Variants in ST6GAL2 observed in about 807,000 individuals in gnomAD.
ST6GAL2 encodes beta-galactoside alpha-2,6-sialyltransferase 2.
Under a neutral mutation model 37.5 loss-of-function variants are expected in ST6GAL2, and 24 were observed. The ratio of observed to expected loss-of-function variants is 0.64; its 90% confidence interval spans 0.46 to 0.90. ST6GAL2 has a LOEUF of 0.90. ST6GAL2 is among the 40% of genes least tolerant of loss of function. The pLI, the probability that ST6GAL2 is intolerant of heterozygous loss-of-function variation, is 0.00. For missense variants in ST6GAL2, 715 were observed against 712.7 expected, an observed-to-expected ratio of 1.00 and a Z score of -0.04; for synonymous variants, 306 against 295.1, an observed-to-expected ratio of 1.04 and a Z score of -0.38.
chr2:106,850,065 A>C (rs1677295661), intron 1 of ST6GAL2, among the ~76,000 whole-genome samples: 1 of 152,202 alleles, frequency 6.6e-6, no homozygotes, highest in Admixed American at 6.5e-5. Flanking sequence ...GCTCAGGTTT[A>C]AATATTTTAC....
intron 5 of ST6GAL2, among the ~76,000 whole-genome samples, chr2:106,809,597 A>G (rs1209194868): frequency 6.6e-6 from 1 of 152,192 alleles, no homozygotes; most frequent in Admixed American, 6.5e-5. Context: ...CATGGAAAAG[A>G]ATGACACAGG....
At chr2:106,870,850 G>A (rs550464769) in intron 1 of ST6GAL2, among the ~76,000 whole-genome samples, 17 of 152,230 alleles carry the variant, frequency 1.1e-4, no homozygotes, top group East Asian at 7.7e-4. Context: ...GGCATAGCAC[G>A]GCTCATAAGG....
intron 1 of ST6GAL2, among the ~76,000 whole-genome samples, chr2:106,878,327 G>A (rs1678593953): frequency 1.3e-5 from 2 of 152,080 alleles, no homozygotes; most frequent in African/African-American, 2.4e-5. Flanking sequence ...AACCAGGTGT[G>A]GTGGTGCCCA....
chr2:106,814,986 G>A (rs1675748599), intron 5 of ST6GAL2, among the ~76,000 whole-genome samples: 2 of 152,156 alleles, frequency 1.3e-5, no homozygotes, highest in South Asian at 2.1e-4. Flanking sequence ...CCAAAGAAAC[G>A]AGTCCTTATG....
chr2:106,836,773 C>CAAAAAAAAAAAAAA (rs70956213), intron 2 of ST6GAL2, among the ~76,000 whole-genome samples: 4 of 70,216 alleles, frequency 5.7e-5, no homozygotes, highest in East Asian at 4.4e-4. Context: ...ACTAAAAATA[C>CAAAAAAAAAAAAAA]AAAAAAAAAA....
In ST6GAL2 at chr2:106,805,692, G is replaced by T. The variant is rs189158200; in HGVS notation, c.*986C>A. On this transcript the variant is annotated 3_prime_UTR_variant, in exon 6 of 6. Coordinates refer to ENST00000409382, the MANE Select transcript of ST6GAL2 (RefSeq NM_001142351.2). ...AGAAACCTGTATAATAAAGACAGGC[G>T]TGCATCCCTAGAAGCACAGGGTGAT... The T allele has an allele frequency of 6.6e-6, 1 of 152,292 alleles. No homozygotes were observed. The highest frequency in any genetic ancestry group is 1.9e-4 in the East Asian group (1 of 5,176). 9.4% of individuals were successfully genotyped at this position (152,292 alleles called of 1,614,324 possible).
chr2:106,834,395 G>T, intron 2 of ST6GAL2: 1 of 381,914 alleles, frequency 2.6e-6, no homozygotes, highest in Non-Finnish European at 4.7e-6. Context: ...TATGATCTAA[G>T]TGATATTTAG....
At chr2:106,835,299 C>CCCCGAG (rs1209863873) in intron 2 of ST6GAL2, among the ~76,000 whole-genome samples, 2 of 151,032 alleles carry the variant, frequency 1.3e-5, no homozygotes, top group Admixed American at 6.6e-5. Context: ...CATTTATAGT[C>CCCCGAG]CCCGAGCCCG....
chr2:106,814,000 A>C (rs185152674), intron 5 of ST6GAL2, among the ~76,000 whole-genome samples: 1 of 152,358 alleles, frequency 6.6e-6, no homozygotes, highest in East Asian at 1.9e-4. Flanking sequence ...ATTCTTAAAG[A>C]GATAAAAGTG....
chr2:106,884,759 A>G (rs1454699105), intron 1 of ST6GAL2, among the ~76,000 whole-genome samples: 2 of 151,832 alleles, frequency 1.3e-5, no homozygotes, highest in African/African-American at 4.8e-5. Context: ...CTTTTAATGC[A>G]TTAGTACAAA....
chr2:106,861,081 G>T (rs1677778858), intron 1 of ST6GAL2, among the ~76,000 whole-genome samples: 1 of 152,108 alleles, frequency 6.6e-6, no homozygotes, highest in Non-Finnish European at 1.5e-5. Context: ...AGAAGAGTGA[G>T]ACCCTAATTG....
At chr2:106,820,129 C>T (rs1184661258) in intron 5 of ST6GAL2, among the ~76,000 whole-genome samples, 3 of 152,160 alleles carry the variant, frequency 2.0e-5, no homozygotes, top group Non-Finnish European at 4.4e-5. Flanking sequence ...TCAATAGTAA[C>T]ACTGAATGTA....
At chr2:106,811,979 C>T (rs996170419) in intron 5 of ST6GAL2, among the ~76,000 whole-genome samples, 3 of 152,100 alleles carry the variant, frequency 2.0e-5, no homozygotes, top group African/African-American at 7.2e-5. Flanking sequence ...TGAATTCCCC[C>T]AGCAATGAGT....
Position 106,843,613 on chromosome 2 carries a change from C to G in ST6GAL2, c.365G>C (p.Ser122Thr), listed in dbSNP as rs116003024. 1,164 of 1,614,002 alleles carry G rather than the reference C, an allele frequency of 7.2e-4. 10 individuals carry two copies. The African/African-American group carries it at 0.013, about 18-fold the overall frequency. Reference sequence around the variant, plus strand: ...GTCGTCATCCTCCGGGTAGAAAGCACTTTGAGATTTTCTCCCCACCTGGGA... The same window carrying G: ...GTCGTCATCCTCCGGGTAGAAAGCAGTTTGAGATTTTCTCCCCACCTGGGA... ...FSSQVGRKSQ[S>T]AFYPEDDDYF... Residue 122 changes from serine to threonine, a missense_variant, in exon 2 of 6, where the codon AGT (serine) becomes ACT (threonine). Transcript: ENST00000409382.
intron 1 of ST6GAL2, among the ~76,000 whole-genome samples, chr2:106,872,173 T>C (rs1449307058): frequency 2.0e-5 from 3 of 152,262 alleles, no homozygotes; most frequent in African/African-American, 7.2e-5. Flanking sequence ...ATGTCGTCTG[T>C]CACTGACTGA....
At chr2:106,830,031 C>T (rs757476906) in intron 5 of ST6GAL2, 35 bp downstream of exon 5, 3 of 1,590,086 alleles carry the variant, frequency 1.9e-6, no homozygotes, top group Non-Finnish European at 2.6e-6. Context: ...TCCTGTCTGC[C>T]CCCCAATCAT....
chr2:106,844,821 C>T (rs1677080326), intron 1 of ST6GAL2, among the ~76,000 whole-genome samples: 1 of 152,066 alleles, frequency 6.6e-6, no homozygotes, highest in Non-Finnish European at 1.5e-5. Context: ...GAAAGGGTAA[C>T]AAAAGGGGCA....
At position 106,843,039 on chromosome 2, in the gene ST6GAL2, T is replaced by C. The variant is rs2104515530; in HGVS notation, c.939A>G (p.Glu313=). 7.0e-7 allele frequency: 1 copy of C among 1,420,122 alleles called. No individual in the cohort carries two copies. Among genetic ancestry groups the C allele is most frequent in the African/African-American group, 1.5e-5 (1 of 67,084 alleles). The allele number at this position is 1,420,122 out of a possible 1,614,324, so 88.0% of individuals were successfully genotyped here. A position where few individuals can be genotyped will look rare whatever the true frequency, so the allele number is the denominator to read the frequency against. The change falls in exon 2 of 6, where the codon GAA becomes GAG. Residue 313 remains glutamate, a synonymous_variant. Transcript: ENST00000409382. ...GAILNSSLGE[E]IDSHDAVLRF... ...GGTCCCCCCGCTGAGACCTACCTATTTCCTCGCCCAAGGAAGAGTTGAGGA... is the reference window on the plus strand; with the variant it reads ...GGTCCCCCCGCTGAGACCTACCTATCTCCTCGCCCAAGGAAGAGTTGAGGA...
chr2:106,832,466 C>A, intron 4 of ST6GAL2, 99 bp downstream of exon 4: 1 of 668,874 alleles, frequency 1.5e-6, no homozygotes, highest in Non-Finnish European at 2.6e-6. Flanking sequence ...TGGGTACTTT[C>A]ATTGTCTGTC....
Sources: allele counts gnomAD v4.1 joint callset (sites outside exome capture counted in the v4.1 genomes callset), GRCh38; gene constraint gnomAD v4.1.1; transcripts MANE v1.5; gene names NCBI Gene and HGNC (gene_info 2026-07-23, HGNC 2026-07-21).